The following DOP1B variants were observed in gnomAD, a reference collection of about 807,000 sequenced individuals.
The protein encoded by DOP1B is DOP1 leucine zipper like protein B.
In DOP1B, 174 loss-of-function variants were observed where a neutral mutation model predicts 233.5. The observed-to-expected ratio is 0.75, with a 90% CI of 0.66 to 0.85. DOP1B has a LOEUF of 0.85. DOP1B is among the 40% of genes least tolerant of loss of function. DOP1B has a pLI of 0.00. For missense variants in DOP1B, 2,652 were observed against 2,846.6 expected, an observed-to-expected ratio of 0.93 and a Z score of 1.56; for synonymous variants, 1,190 against 1,185.6, an observed-to-expected ratio of 1.00 and a Z score of -0.08.
At chr21:36,157,169 G>A (rs1167845995) in intron 1 of DOP1B, among the ~76,000 whole-genome samples, 1 of 152,092 alleles carries the variant, frequency 6.6e-6, no homozygotes, top group Non-Finnish European at 1.5e-5. Flanking sequence ...GCCGGAGACC[G>A]GGAGGGCAGC....
chr21:36,166,319 C>T (rs1346750993), intron 2 of DOP1B, among the ~76,000 whole-genome samples: 1 of 151,838 alleles, frequency 6.6e-6, no homozygotes, highest in African/African-American at 2.4e-5. Context: ...CACCTGTAGT[C>T]CCAGCTTCTC....
At chr21:36,274,959 C>T (rs963035545) in intron 27 of DOP1B, among the ~76,000 whole-genome samples, 1 of 52,302 alleles carries the variant, frequency 1.9e-5, no homozygotes, top group African/African-American at 6.9e-5. Context: ...ATTCTTCTGC[C>T]TCAGCCTCCC....
chr21:36,263,419 A>G (rs1454339231), intron 24 of DOP1B, 127 bp from the exon 25 acceptor site: 4 of 747,462 alleles, frequency 5.4e-6, no homozygotes, highest in South Asian at 3.8e-5. Flanking sequence ...TTTTAAAAAG[A>G]AAAAGGTCAG....
rs768365405 is a variant in DOP1B, at chr21:36,225,596, A to G, written c.1402A>G (p.Ser468Gly). 4 of 1,614,120 alleles carry G rather than the reference A, an allele frequency of 2.5e-6. No homozygotes were observed. In the South Asian group the frequency reaches 4.4e-5, roughly 18 times the overall value. The change falls in exon 12 of 37, where the codon AGC becomes GGC. Residue 468 changes from serine to glycine, a missense_variant. Transcript: ENST00000691173. Reference protein sequence around the residue: ...PVKQRYSVRNSVSPPPTVSEL... With the variant: ...PVKQRYSVRNGVSPPPTVSEL... ...GAAGCAGCGTTACAGCGTGAGGAAC[A>G]GCGTCAGCCCTCCCCCCACGGTCTC...
intron 4 of DOP1B, among the ~76,000 whole-genome samples, chr21:36,201,022 GGA>G (rs1569017145): frequency 6.6e-6 from 1 of 152,144 alleles, no homozygotes. Context: ...TCCTTTAGGC[GGA>G]GAGAAATGTA....
rs150843337 is a variant in DOP1B, at chr21:36,277,074, G to T, written c.5686G>T (p.Val1896Leu). Residue 1896 changes from valine (V) to leucine (L), a missense_variant, in exon 28 of 37, where the codon GTG becomes TTG. Transcript: ENST00000691173. ...TTCATCCGCCCCGTCGGTGTACAGCGTGCAAGCCCTCTCTCTCCTGGCAGA... is the reference window on the plus strand; with the variant it reads ...TTCATCCGCCCCGTCGGTGTACAGCTTGCAAGCCCTCTCTCTCCTGGCAGA... ...VSSSAPSVYS[V>L]QALSLLAEVL... The T allele has an allele frequency of 5.6e-6, 9 of 1,613,944 alleles. No homozygotes were observed. Among genetic ancestry groups the T allele is most frequent in the Non-Finnish European group, 6.8e-6 (8 of 1,180,006 alleles).
chr21:36,257,913 A>G lies in DOP1B; in HGVS notation c.5260-2764A>G, dbSNP rs927217131. ...TAGGTAGGTAGATGTAGGTAGGTAG[A>G]TAGATGTAGGTACGTAGGTAGATAG... On this transcript the variant is annotated intron_variant, in intron 23 of 36. Coordinates refer to ENST00000691173, the MANE Select transcript of DOP1B (RefSeq NM_001320714.2). 4.1e-5 allele frequency among the ~76,000 whole-genome samples: 6 copies of G among 147,964 alleles called. No homozygotes were observed. The East Asian group carries it at 7.8e-4, about 19-fold the overall frequency.
chr21:36,250,255 C>T (rs758983849), intron 21 of DOP1B, among the ~76,000 whole-genome samples: 4 of 152,150 alleles, frequency 2.6e-5, no homozygotes, highest in Admixed American at 6.6e-5. Flanking sequence ...TAAACATGGG[C>T]GGTTGTCACA....
chr21:36,176,619 T>C (rs962616210), intron 2 of DOP1B, among the ~76,000 whole-genome samples: 2 of 152,132 alleles, frequency 1.3e-5, no homozygotes, highest in Non-Finnish European at 1.5e-5. Context: ...GATAAGGGCC[T>C]GAATTGCCTT....
At chr21:36,204,108 T>A (rs1375860670) in intron 4 of DOP1B, among the ~76,000 whole-genome samples, 1 of 152,114 alleles carries the variant, frequency 6.6e-6, no homozygotes, top group Non-Finnish European at 1.5e-5. Flanking sequence ...TTTGACAATA[T>A]CTGGAGACAG....
intron 32 of DOP1B, among the ~76,000 whole-genome samples, 180 bp from the exon 33 acceptor site, chr21:36,287,834 C>G (rs1467462968): frequency 3.9e-5 from 6 of 152,004 alleles, no homozygotes; most frequent in Non-Finnish European, 5.9e-5. Flanking sequence ...ATCCGCCCGC[C>G]TCGGCCTCCC....
intron 13 of DOP1B, 80 bp downstream of exon 13, chr21:36,227,957 T>C (rs1238959007): frequency 1.5e-6 from 2 of 1,353,796 alleles, no homozygotes; most frequent in Middle Eastern, 2.7e-4. Flanking sequence ...GTCTTTAGGG[T>C]TGGTTAGGAT....
chr21:36,158,531 C>T (rs980548158), intron 1 of DOP1B, among the ~76,000 whole-genome samples: 2 of 152,098 alleles, frequency 1.3e-5, no homozygotes, highest in East Asian at 1.9e-4. Flanking sequence ...TGCAGCCGGG[C>T]GTGGTGGCTC....
rs184143688 is a variant in DOP1B at position 36,261,493 on chromosome 21, T to C, written c.5315+761T>C. ...TAATATATGTATTAGGTGTCTCAGC[T>C]AAGAGAGCATTAAAGGGGATTCCGC... On this transcript the variant is annotated intron_variant, in intron 24 of 36. Coordinates refer to ENST00000691173, the MANE Select transcript of DOP1B (RefSeq NM_001320714.2). The C allele has an allele frequency of 2.3e-3, 2,275 of 985,444 alleles. 13 individuals carry two copies. Among genetic ancestry groups the C allele is most frequent in the African/African-American group, 0.016 (915 of 57,326 alleles). The allele number at this position is 985,444 out of a possible 1,614,324, so 61.0% of individuals were successfully genotyped here.
chr21:36,270,552 CAAAAAAAAA>C (rs398040600), intron 27 of DOP1B, among the ~76,000 whole-genome samples: 6 of 36,828 alleles, frequency 1.6e-4, no homozygotes, highest in South Asian at 2.8e-3. Flanking sequence ...GACTCCGTCT[CAAAAAAAAA>C]AAAAAAAAAA....
rs1050403953 is a variant in DOP1B, at chr21:36,200,344, C to T, written c.334C>T (p.Pro112Ser). The change falls in exon 4 of 37, where the codon CCT (proline) becomes TCT (serine). Residue 112 changes from proline (P) to serine (S), a missense_variant. Coordinates refer to ENST00000691173, the MANE Select transcript of DOP1B (RefSeq NM_001320714.2). Reference protein sequence around the residue: ...DLFLYSCGLFPLLAHAAVSVR... With the variant: ...DLFLYSCGLFSLLAHAAVSVR... The stretch of plus-strand genomic sequence containing the variant: ...TCTTTCTCGAAGCTGCGGGTTATTT[C>T]CTCTCCTGGCACACGCGGCGGTGTC... 2 of 1,598,740 alleles carry T rather than the reference C, an allele frequency of 1.3e-6. No homozygotes were observed. The highest frequency in any genetic ancestry group is 1.7e-6 in the Non-Finnish European group (2 of 1,173,700).
intron 15 of DOP1B, among the ~76,000 whole-genome samples, chr21:36,234,763 A>G (rs1238572076): frequency 6.6e-6 from 1 of 151,824 alleles, no homozygotes; most frequent in African/African-American, 2.4e-5. Context: ...CTGGTCTCAA[A>G]CTCCTGACTT....
At chr21:36,284,973 A>G (rs2067466250) in intron 32 of DOP1B, among the ~76,000 whole-genome samples, 1 of 151,512 alleles carries the variant, frequency 6.6e-6, no homozygotes, top group South Asian at 2.1e-4. Context: ...ACTTGTTTAT[A>G]TTATATATTC....
At chr21:36,271,344 G>T (rs1326050761) in intron 27 of DOP1B, among the ~76,000 whole-genome samples, 1 of 146,914 alleles carries the variant, frequency 6.8e-6, no homozygotes, top group Non-Finnish European at 1.5e-5. Context: ...CGTCATCTTG[G>T]CTCACTGCAA....
Sources: allele counts gnomAD v4.1 joint callset (sites outside exome capture counted in the v4.1 genomes callset), GRCh38; gene constraint gnomAD v4.1.1; transcripts MANE v1.5; gene names NCBI Gene and HGNC (gene_info 2026-07-23, HGNC 2026-07-21).